Variants in ENOSF1 observed in about 807,000 individuals in gnomAD.
The protein encoded by ENOSF1 is mitochondrial enolase superfamily member 1.
In ENOSF1, 73 loss-of-function variants were observed where a neutral mutation model predicts 68.2. The observed-to-expected ratio is 1.07, with a 90% confidence interval of 0.89 to 1.30. ENOSF1 has a LOEUF of 1.30. Among genes scored for constraint, ENOSF1 ranks in the 50% most tolerant of loss-of-function variants. The pLI, the probability that ENOSF1 is intolerant of heterozygous loss-of-function variation, is 0.00. For missense variants in ENOSF1, 589 were observed against 554.5 expected, an observed-to-expected ratio of 1.06 and a Z score of -0.62; for synonymous variants, 223 against 210.4, an observed-to-expected ratio of 1.06 and a Z score of -0.52.
At chr18:685,671 G>A (rs546177921) in intron 10 of ENOSF1, among the ~76,000 whole-genome samples, 101 of 152,214 alleles carry the variant, frequency 6.6e-4, no homozygotes, top group African/African-American at 2.4e-3. Flanking sequence ...TGTTTGCTCA[G>A]GTACATCTGT....
chr18:667,603 ATGGTGATGGAGATGGGTGATGG>A (rs1258083460), downstream of ENOSF1: 7 of 105,150 alleles, frequency 6.7e-5, 1 homozygote, highest in African/African-American at 2.8e-4. Flanking sequence ...GGTGATGGTG[ATGGTGATGGAGATGGGTGATGG>A]TGATGGTTGC....
In ENOSF1 at chr18:712,605, G is replaced by C. The variant is rs1034982798; in HGVS notation, c.-18C>G. 6.6e-7 allele frequency: 1 copy of C among 1,510,582 alleles called. No homozygotes were observed. The highest frequency in any genetic ancestry group is 1.4e-5 in the African/African-American group (1 of 72,078). The allele number at this position is 1,510,582 out of a possible 1,614,324, so 93.6% of individuals were successfully genotyped here. A position where few individuals can be genotyped will look rare whatever the true frequency, so the allele number is the denominator to read the frequency against. On this transcript the variant is annotated 5_prime_UTR_variant, in exon 1 of 16. Transcript: ENST00000647584. The stretch of plus-strand genomic sequence containing the variant: ...CGCACCATGGCCCCTGCGCCCCGTG[G>C]CCGCGGCCCCCGTGCGGTCAGGACT...
downstream of ENOSF1, among the ~76,000 whole-genome samples, chr18:668,145 G>T (rs539153606): frequency 5.6e-4 from 85 of 151,946 alleles, no homozygotes; most frequent in Non-Finnish European, 9.4e-4. Flanking sequence ...GTGCACTTGT[G>T]TATGTGTGTA....
intron 2 of ENOSF1, among the ~76,000 whole-genome samples, chr18:701,494 C>T (rs944769840): frequency 2.6e-5 from 4 of 152,080 alleles, no homozygotes; most frequent in African/African-American, 9.7e-5. Flanking sequence ...GTGGCTCACG[C>T]CTGTAATCCC....
At chr18:684,145 C>T (rs961546578) in intron 10 of ENOSF1, among the ~76,000 whole-genome samples, 6 of 151,926 alleles carry the variant, frequency 3.9e-5, no homozygotes, top group Admixed American at 6.6e-5. Flanking sequence ...AGGCGCCCAC[C>T]ACCACACCAG....
At position 675,355 on chromosome 18, in the gene ENOSF1, AC is replaced by A. The variant is rs375131308; in HGVS notation, c.1195del (p.Val399Ter). ...DHLHEHFKYP[V>X]MIQRASYMPP... ...CATGTAGGAAGCCCGCTGGATCATCACGGGATACTTGAAATGCTCATGCAGG... is the reference window on the plus strand; with the variant it reads ...CATGTAGGAAGCCCGCTGGATCATCAGGGATACTTGAAATGCTCATGCAGG... On this transcript the variant is annotated frameshift_variant, in exon 15 of 16. Transcript: ENST00000647584. LOFTEE classifies it high-confidence loss of function. The A allele has an allele frequency of 2.6e-4, 416 of 1,613,084 alleles. 4 individuals carry two copies. The South Asian group carries it at 3.8e-3, about 15-fold the overall frequency.
At chr18:667,023 AGATGGTGATGGAGATGGT>A (rs2074847026), downstream of ENOSF1, among the ~76,000 whole-genome samples, 2 of 4,116 alleles carry the variant, frequency 4.9e-4, 1 homozygote, top group Non-Finnish European at 1.0e-3. Context: ...ATGGAGATGG[AGATGGTGATGGAGATGGT>A]GATGGTGATG....
chr18:672,562 G>T lies in ENOSF1; in HGVS notation c.*1743C>A, dbSNP rs1175083058. 4.5e-6 allele frequency: 1 copy of T among 223,268 alleles called. No individual in the cohort carries two copies. Among genetic ancestry groups the T allele is most frequent in the African/African-American group, 2.2e-5 (1 of 44,510 alleles). 13.8% of individuals were successfully genotyped at this position (223,268 alleles called of 1,614,324 possible). On this transcript the variant is annotated 3_prime_UTR_variant, in exon 16 of 16. Transcript: ENST00000647584. ...AGCTACTATGAGTTACAGATTGACT[G>T]TGTTCCTGTCTTTAATAAATTTGCC...
downstream of ENOSF1, chr18:669,115 C>T: frequency 6.2e-7 from 1 of 1,614,190 alleles, no homozygotes; most frequent in Non-Finnish European, 8.5e-7. Flanking sequence ...GAGTGATTGA[C>T]ACCATCAAAA....
intron 10 of ENOSF1, among the ~76,000 whole-genome samples, chr18:683,685 C>T (rs1027514982): frequency 3.3e-5 from 5 of 152,102 alleles, no homozygotes; most frequent in African/African-American, 7.2e-5. Flanking sequence ...GGCTCTGGTC[C>T]AATCTCCATC....
chr18:706,584 G>A lies in ENOSF1; in HGVS notation c.85-6C>T. The A allele has an allele frequency of 1.2e-6, 2 of 1,607,976 alleles. No individual in the cohort carries two copies. Among genetic ancestry groups the A allele is most frequent in the South Asian group, 2.2e-5 (2 of 90,904 alleles). The stretch of plus-strand genomic sequence containing the variant: ...GAGTAGTCAGGGTCCGTGTGCTGCA[G>A]GAGAAGAGTTCCCCGCCGAAACAAT... On this transcript the variant is annotated splice_region_variant and splice_polypyrimidine_tract_variant and intron_variant, in intron 1 of 15. Coordinates refer to ENST00000647584, the MANE Select transcript of ENOSF1 (RefSeq NM_017512.7).
intron 1 of ENOSF1, chr18:712,287 C>G: frequency 6.5e-7 from 1 of 1,528,642 alleles, no homozygotes; most frequent in Non-Finnish European, 8.7e-7. Flanking sequence ...GGTTCGAAGT[C>G]GGGAAGCTGC....
At chr18:691,440 G>T (rs181847935) in intron 5 of ENOSF1, 164 bp from the exon 6 acceptor site, 10 of 589,292 alleles carry the variant, frequency 1.7e-5, no homozygotes, top group Non-Finnish European at 3.0e-5. Context: ...CAGTCTCCCT[G>T]GCTTATGTGA....
chr18:670,565 C>G lies in ENOSF1; in HGVS notation c.*3740G>C. On this transcript the variant is annotated 3_prime_UTR_variant, in exon 16 of 16. Coordinates refer to ENST00000647584, the MANE Select transcript of ENOSF1 (RefSeq NM_017512.7). ...GAGGCTGTTATGGACATCACTGCAG[C>G]CCAGTGGCTCTCTCTCCTGGTCTCC... The G allele has an allele frequency of 1.0e-6, 1 of 973,820 alleles. No homozygotes were observed. 60.3% of individuals were successfully genotyped at this position (973,820 alleles called of 1,614,324 possible). A position where few individuals can be genotyped will look rare whatever the true frequency, so the allele number is the denominator to read the frequency against.
chr18:669,366 ATT>A (rs68090938), downstream of ENOSF1: 14,144 of 189,994 alleles, frequency 0.074, 1 homozygote, highest in South Asian at 0.14. Context: ...GGCCCAGAGG[ATT>A]TTTTTTTTTT....
intron 2 of ENOSF1, among the ~76,000 whole-genome samples, chr18:704,666 C>A (rs550153477): frequency 1.4e-5 from 2 of 143,988 alleles, no homozygotes; most frequent in African/African-American, 2.6e-5. Context: ...AGTGCAGCGG[C>A]GCAATCTCGG....
chr18:703,503 T>C (rs2078597204), intron 2 of ENOSF1, among the ~76,000 whole-genome samples: 1 of 152,084 alleles, frequency 6.6e-6, no homozygotes, highest in South Asian at 2.1e-4. Flanking sequence ...CAAGGGACAA[T>C]TAGAGTTGCA....
At chr18:688,639 GGA>G (rs751893842) in intron 8 of ENOSF1, 31 bp from the exon 9 acceptor site, 2 of 1,599,684 alleles carry the variant, frequency 1.3e-6, no homozygotes, top group African/African-American at 1.3e-5. Context: ...GTCACACACT[GGA>G]GAGAGCCCCT....
chr18:686,452 G>T, intron 9 of ENOSF1: 1 of 167,498 alleles, frequency 6.0e-6, no homozygotes, highest in Non-Finnish European at 1.3e-5. Context: ...TGAGAGGAAG[G>T]CCACAGGGAT....
Sources: allele counts gnomAD v4.1 joint callset (sites outside exome capture counted in the v4.1 genomes callset), GRCh38; gene constraint gnomAD v4.1.1; transcripts MANE v1.5; gene names NCBI Gene and HGNC (gene_info 2026-07-23, HGNC 2026-07-21).